The following WDPCP variants were observed in gnomAD, a reference collection of about 807,000 sequenced individuals.
WDPCP encodes the protein WD repeat containing planar cell polarity effector.
WDPCP carries 71 observed loss-of-function variants against 93.1 expected under a neutral mutation model. That is an observed-to-expected ratio of 0.76 (90% CI 0.63 to 0.93). The LOEUF (loss-of-function observed/expected upper bound fraction) is 0.93. Ranked by LOEUF, WDPCP falls within the 40% of genes least tolerant of loss-of-function variation. The probability of loss-of-function intolerance (pLI) is 0.00; values close to 1 mark genes in which losing one functional copy is unlikely to be tolerated. For missense variants in WDPCP, 844 were observed against 887.4 expected (o/e 0.95, Z 0.62); for synonymous variants, 315 against 315.0 (o/e 1.00, Z 0.00).
intron 13 of WDPCP, among the ~76,000 whole-genome samples, chr2:63,293,221 T>C (rs1684578497): frequency 1.3e-5 from 2 of 152,170 alleles, no homozygotes; most frequent in African/African-American, 4.8e-5. Flanking sequence ...AGACTAGGAC[T>C]CTGAAATGCA....
At chr2:63,703,961 C>A (rs13006300) in intron 2 of WDPCP, among the ~76,000 whole-genome samples, 2 of 152,066 alleles carry the variant, frequency 1.3e-5, no homozygotes, top group African/African-American at 4.8e-5. Flanking sequence ...TTGTTTGTAT[C>A]CTCTTTTATT....
intron 2 of WDPCP, among the ~76,000 whole-genome samples, chr2:63,488,550 T>C (rs1262948244): frequency 6.6e-6 from 1 of 152,022 alleles, no homozygotes; most frequent in Admixed American, 6.6e-5. Flanking sequence ...AAATCATGAG[T>C]AGGACTTCTT....
intron 1 of WDPCP, among the ~76,000 whole-genome samples, chr2:63,527,539 G>C (rs1173868698): frequency 2.0e-5 from 3 of 151,892 alleles, no homozygotes; most frequent in Non-Finnish European, 4.4e-5. Flanking sequence ...TTCCTACAAA[G>C]GACATGACCT....
chr2:63,256,659 G>C (rs895948193), intron 14 of WDPCP, among the ~76,000 whole-genome samples: 1 of 152,082 alleles, frequency 6.6e-6, no homozygotes, highest in African/African-American at 2.4e-5. Context: ...AACACTATTC[G>C]CATTAGCCCC....
chr2:63,727,667 A>G (rs894388868), intron 2 of WDPCP, among the ~76,000 whole-genome samples: 20 of 152,132 alleles, frequency 1.3e-4, no homozygotes, highest in African/African-American at 4.6e-4. Flanking sequence ...TCAGCTGTGA[A>G]TCTGTCTGAT....
rs1186055533 is a variant in WDPCP, at chr2:63,120,907, A to C, written c.*1099T>G. 6.6e-6 allele frequency among the ~76,000 whole-genome samples: 1 copy of C among 152,056 alleles called. No homozygotes were observed. The highest frequency in any genetic ancestry group is 1.9e-4 in the East Asian group (1 of 5,198). On this transcript the variant is annotated 3_prime_UTR_variant, in exon 18 of 18. Coordinates refer to ENST00000272321, the MANE Select transcript of WDPCP (RefSeq NM_015910.7). ...TGTCAATAACTGTGAAGGGTATGAGATTTTACCCTACTTACTAGCTAACAA... is the reference window on the plus strand; with the variant it reads ...TGTCAATAACTGTGAAGGGTATGAGCTTTTACCCTACTTACTAGCTAACAA...
intron 2 of WDPCP, among the ~76,000 whole-genome samples, chr2:63,714,214 C>T (rs545429933): frequency 2.0e-5 from 3 of 151,970 alleles, no homozygotes; most frequent in Non-Finnish European, 4.4e-5. Flanking sequence ...CGCCACCATG[C>T]CCAGCTAGTT....
At chr2:63,396,459 T>C (rs1693734293) in intron 10 of WDPCP, among the ~76,000 whole-genome samples, 1 of 152,152 alleles carries the variant, frequency 6.6e-6, no homozygotes, top group Admixed American at 6.5e-5. Context: ...CACTTGAACA[T>C]GTAACCTTTT....
At chr2:63,656,027 A>G (rs946210778) in intron 2 of WDPCP, among the ~76,000 whole-genome samples, 1 of 152,156 alleles carries the variant, frequency 6.6e-6, no homozygotes, top group Non-Finnish European at 1.5e-5. Flanking sequence ...ACGGGGGATT[A>G]TTGTGCTGGT....
rs574721612 is a variant in WDPCP, at chr2:63,196,422, T to C, written c.1916-21590A>G. ...GCACTTTTTGCAAAATACCCTTTTA[T>C]CTTGTTTTGAAAATACAGCTTTCAT... is the stretch of plus-strand genomic sequence containing the variant. On this transcript the variant is annotated intron_variant, in intron 14 of 17. Coordinates refer to ENST00000272321, the MANE Select transcript of WDPCP (RefSeq NM_015910.7). 3.9e-5 allele frequency among the ~76,000 whole-genome samples: 6 copies of C among 152,326 alleles called. No homozygotes were observed. In the South Asian group the frequency reaches 1.2e-3, roughly 32 times the overall value.
At chr2:63,702,515 T>A (rs865789369) in intron 2 of WDPCP, among the ~76,000 whole-genome samples, 10 of 148,690 alleles carry the variant, frequency 6.7e-5, no homozygotes, top group South Asian at 2.1e-4. Context: ...TACATCAACA[T>A]CAAAAATTAA....
At chr2:63,622,159 G>A in intron 3 of WDPCP, 1 of 1,569,412 alleles carries the variant, frequency 6.4e-7, no homozygotes, top group South Asian at 1.2e-5. Flanking sequence ...GGGTTGCTGT[G>A]GTGGTGGTGG....
intron 2 of WDPCP, among the ~76,000 whole-genome samples, chr2:63,739,258 A>T (rs1669681996): frequency 6.6e-6 from 1 of 152,054 alleles, no homozygotes; most frequent in Non-Finnish European, 1.5e-5. Context: ...CCTCCCACTT[A>T]TAAGTAAGAA....
At chr2:63,151,956 A>G (rs1253713667) in intron 17 of WDPCP, among the ~76,000 whole-genome samples, 1 of 152,206 alleles carries the variant, frequency 6.6e-6, no homozygotes, top group Non-Finnish European at 1.5e-5. Flanking sequence ...CTCAAGTCTC[A>G]CAATAAATCC....
At chr2:63,490,739 A>T (rs1052447514) in intron 2 of WDPCP, among the ~76,000 whole-genome samples, 1 of 152,152 alleles carries the variant, frequency 6.6e-6, no homozygotes, top group Non-Finnish European at 1.5e-5. Context: ...ACTTGAGGAC[A>T]CATGGAGGGA....
chr2:63,147,967 C>CA (rs11331152), intron 17 of WDPCP, among the ~76,000 whole-genome samples: 3,879 of 87,352 alleles, frequency 0.044, 122 homozygotes, highest in East Asian at 0.063. Context: ...GACTCTGTCT[C>CA]AAAAAAAAAA....
chr2:63,805,652 T>TA (rs1292660978), intron 2 of WDPCP, among the ~76,000 whole-genome samples: 2 of 152,182 alleles, frequency 1.3e-5, no homozygotes, highest in African/African-American at 4.8e-5. Flanking sequence ...AGAGTAGGGA[T>TA]AAGCACACCA....
rs938866861 is a variant in WDPCP at position 63,120,726 on chromosome 2, G to C, written c.*1280C>G. Among the ~76,000 whole-genome samples the C allele has an allele frequency of 1.1e-4, 16 of 151,530 alleles. No individual in the cohort carries two copies. Among genetic ancestry groups the C allele is most frequent in the Middle Eastern group, 3.4e-3 (1 of 294 alleles). On this transcript the variant is annotated 3_prime_UTR_variant, in exon 18 of 18. Transcript: ENST00000272321. ...TTTTTTTGTATTTTTAGTAGAGACG[G>C]GGTTTCACCATGTTGTCTAGGATGG...
At chr2:63,608,333 T>G (rs955049376) in intron 3 of WDPCP, among the ~76,000 whole-genome samples, 1 of 152,132 alleles carries the variant, frequency 6.6e-6, no homozygotes, top group Admixed American at 6.5e-5. Flanking sequence ...ATGTTAGAAG[T>G]AAGTAATAAA....
Sources: gnomAD v4.1 joint callset for allele counts (sites outside exome capture counted in the v4.1 genomes callset) on GRCh38, gnomAD v4.1.1 for gene constraint, MANE v1.5 for transcripts, NCBI Gene and HGNC (gene_info 2026-07-23, HGNC 2026-07-21) for gene names.